Variants in RBFOX1 observed in about 807,000 individuals in gnomAD.
RBFOX1 encodes the protein RNA binding fox-1 homolog 1, also known as RNA binding protein fox-1 homolog 1.
A neutral mutation model predicts 57.7 loss-of-function variants in RBFOX1; 8 were observed. The ratio of observed to expected loss-of-function variants is 0.14; its 90% CI spans 0.08 to 0.25. The LOEUF is 0.25. RBFOX1 is among the 10% of genes least tolerant of loss of function. The pLI, the probability that RBFOX1 is intolerant of heterozygous loss-of-function variation, is 1.00. For missense variants in RBFOX1, 611 were observed against 548.5 expected (o/e 1.11, Z -1.14); for synonymous variants, 326 against 222.4 (o/e 1.47, Z -4.15).
intron 4 of RBFOX1, among the ~76,000 whole-genome samples, chr16:7,107,455 G>C (rs950296798): frequency 6.6e-6 from 1 of 152,188 alleles, no homozygotes; most frequent in East Asian, 1.9e-4. Context: ...TTACTCAGGA[G>C]GCTTTATTTT....
intron 4 of RBFOX1, among the ~76,000 whole-genome samples, chr16:7,227,263 T>G (rs1399921739): frequency 6.7e-6 from 1 of 148,436 alleles, no homozygotes; most frequent in African/African-American, 2.4e-5. Context: ...CTGTTCTCAC[T>G]GTCACATACC....
chr16:5,702,815 AAGTTT>A (rs2051100387), intron 3 of RBFOX1, among the ~76,000 whole-genome samples: 1 of 152,190 alleles, frequency 6.6e-6, no homozygotes, highest in Non-Finnish European at 1.5e-5. Flanking sequence ...TTGTGGAACT[AAGTTT>A]AGTAAATGCT....
At chr16:6,705,398 T>C (rs1568291062) in intron 3 of RBFOX1, 2 of 152,190 alleles carry the variant, frequency 1.3e-5, no homozygotes, top group East Asian at 1.9e-4. Flanking sequence ...ACACAGATGG[T>C]TAAGTATAGA....
chr16:5,528,495 A>G (rs7195239), intron 2 of RBFOX1, among the ~76,000 whole-genome samples: 55,973 of 150,346 alleles, frequency 0.37, 11,927 homozygotes, highest in East Asian at 0.85. Context: ...CGACAATGGC[A>G]TTATAGGTCA....
rs575480460 is a variant in RBFOX1, at chr16:6,086,109, C to T, written c.-127+66117C>T. ...TGTTCCTGTATTAGTTTTCTGAGGA[C>T]GGTGGCTCCCAGCTTCATCCATGTC... On this transcript the variant is annotated intron_variant, in intron 1 of 15. Transcript: ENST00000550418. Among the ~76,000 whole-genome samples the T allele has an allele frequency of 4.6e-5, 7 of 152,190 alleles. No individual in the cohort carries two copies. The South Asian group carries it at 8.3e-4, about 18-fold the overall frequency.
At chr16:5,973,396 A>G (rs2060000317) in intron 4 of RBFOX1, among the ~76,000 whole-genome samples, 1 of 152,216 alleles carries the variant, frequency 6.6e-6, no homozygotes, top group Non-Finnish European at 1.5e-5. Flanking sequence ...CTTCAAACTC[A>G]TCATAGTTAG....
chr16:7,342,240 C>T (rs2096911899), intron 4 of RBFOX1, among the ~76,000 whole-genome samples: 1 of 152,154 alleles, frequency 6.6e-6, no homozygotes, highest in South Asian at 2.1e-4. Context: ...ACCAAGTGTA[C>T]TCTACTCACA....
At chr16:6,451,668 C>T (rs1434340371) in intron 2 of RBFOX1, among the ~76,000 whole-genome samples, 2 of 152,320 alleles carry the variant, frequency 1.3e-5, no homozygotes, top group East Asian at 3.9e-4. Flanking sequence ...GCCTTAGAAG[C>T]CTTCCCTTAC....
At chr16:6,524,263 G>C (rs2153807761) in intron 2 of RBFOX1, among the ~76,000 whole-genome samples, 1 of 152,236 alleles carries the variant, frequency 6.6e-6, no homozygotes, top group South Asian at 2.1e-4. Context: ...TTCTGTGCCT[G>C]ACTTATTTCA....
intron 1 of RBFOX1, among the ~76,000 whole-genome samples, chr16:6,299,889 C>G (rs1028858590): frequency 3.3e-5 from 5 of 152,258 alleles, no homozygotes; most frequent in Admixed American, 3.3e-4. Flanking sequence ...CCCACACCCT[C>G]GTTTTAACAC....
At chr16:6,774,034 C>T (rs1010901390) in intron 3 of RBFOX1, 13 of 981,280 alleles carry the variant, frequency 1.3e-5, no homozygotes, top group Non-Finnish European at 1.6e-5. Flanking sequence ...TTTGCTTTTT[C>T]TACCTGTAAA....
intron 2 of RBFOX1, among the ~76,000 whole-genome samples, chr16:5,475,523 C>A (rs915018869): frequency 1.3e-5 from 2 of 152,204 alleles, no homozygotes. Flanking sequence ...ATAATTGGGA[C>A]CTTCAGAGCC....
rs1030252339 is a variant in RBFOX1 at position 5,368,173 on chromosome 16, T to C, written c.220-99043T>C. Among the ~76,000 whole-genome samples the C allele has an allele frequency of 2.6e-5, 4 of 152,360 alleles. No individual in the cohort carries two copies. In the South Asian group the frequency reaches 8.3e-4, roughly 32 times the overall value. The stretch of plus-strand genomic sequence containing the variant: ...CTCTGGGAGCTATCTGTTTGAATGA[T>C]GTCAACGCATAATATTTGAAGCTGC... On this transcript the variant is annotated intron_variant, in intron 1 of 2. Coordinates refer to the RBFOX1 transcript ENST00000585867.
At chr16:6,472,510 A>T (rs1175920420) in intron 2 of RBFOX1, among the ~76,000 whole-genome samples, 1 of 152,156 alleles carries the variant, frequency 6.6e-6, no homozygotes. Flanking sequence ...GGGAGGTGAC[A>T]TACTGCTGAC....
intron 2 of RBFOX1, among the ~76,000 whole-genome samples, chr16:6,394,849 C>G (rs940069687): frequency 5.3e-5 from 8 of 152,124 alleles, no homozygotes; most frequent in African/African-American, 1.9e-4. Context: ...GAAGGAGAAA[C>G]TAACTGTTTA....
chr16:7,270,897 T>C (rs1047106956), intron 4 of RBFOX1, among the ~76,000 whole-genome samples: 1 of 152,186 alleles, frequency 6.6e-6, no homozygotes, highest in Non-Finnish European at 1.5e-5. Flanking sequence ...CTTTCTGTCA[T>C]GGAGAATCCC....
At chr16:6,323,092 A>G (rs2081995917) in intron 2 of RBFOX1, among the ~76,000 whole-genome samples, 1 of 152,186 alleles carries the variant, frequency 6.6e-6, no homozygotes, top group East Asian at 1.9e-4. Context: ...GAATGAGTAC[A>G]TGAGCATGGG....
At chr16:6,363,189 C>G (rs970280447) in intron 2 of RBFOX1, among the ~76,000 whole-genome samples, 41 of 152,332 alleles carry the variant, frequency 2.7e-4, no homozygotes, top group African/African-American at 9.1e-4. Flanking sequence ...AATATAGAAA[C>G]TGTCAACTTC....
rs58191990 is a variant in RBFOX1 at position 5,546,008 on chromosome 16, C to T, written c.259-52894C>T. Among the ~76,000 whole-genome samples, 1,039 of 151,956 alleles carry T rather than the reference C, an allele frequency of 6.8e-3. 17 individuals carry two copies. The highest frequency in any genetic ancestry group is 0.023 in the African/African-American group (954 of 41,462). The stretch of plus-strand genomic sequence containing the variant: ...ACAGTAAGATAATTATACAAAAAGC[C>T]ATTGTATTTCTATATAATAACAATA... On this transcript the variant is annotated intron_variant, in intron 2 of 2. Transcript: ENST00000585867.
Sources: allele counts gnomAD v4.1 joint callset (sites outside exome capture counted in the v4.1 genomes callset), GRCh38; gene constraint gnomAD v4.1.1; transcripts MANE v1.5; gene names NCBI Gene and HGNC (gene_info 2026-07-23, HGNC 2026-07-21).